The following TBC1D8B variants were observed in gnomAD, a reference collection of about 807,000 sequenced individuals.
TBC1D8B encodes TBC1 domain family member 8B, also known as RP11-321G1.1.
Under a neutral mutation model 82.9 loss-of-function variants are expected in TBC1D8B, and 75 were observed. The ratio of observed to expected loss-of-function variants is 0.90; its 90% CI spans 0.75 to 1.10. The LOEUF (loss-of-function observed/expected upper bound fraction) is 1.10. Among genes scored for constraint, TBC1D8B ranks in the 50% least tolerant of loss-of-function variants. The pLI, the probability that TBC1D8B is intolerant of heterozygous loss-of-function variation, is 0.00. For missense variants in TBC1D8B, 794 were observed against 796.9 expected (o/e 1.00, Z 0.04); for synonymous variants, 276 against 276.8 (o/e 1.00, Z 0.03).
At chrX:106,868,346 C>T (rs753809978) in intron 17 of TBC1D8B, 47 bp from the exon 18 acceptor site, 118 of 879,483 alleles carry the variant, frequency 1.3e-4, no homozygotes, top group Non-Finnish European at 1.7e-4. Flanking sequence ...CTCATCTCTG[C>T]CCCTGGTTGT....
chrX:106,837,745 C>T lies in TBC1D8B; in HGVS notation c.1204-1563C>T, dbSNP rs183507700. Among the ~76,000 whole-genome samples, 18 of 111,778 alleles carry T rather than the reference C, an allele frequency of 1.6e-4. No individual in the cohort carries two copies. The East Asian group carries it at 4.8e-3, about 30-fold the overall frequency. On this transcript the variant is annotated intron_variant, in intron 7 of 20. Coordinates refer to ENST00000357242, the MANE Select transcript of TBC1D8B (RefSeq NM_017752.3). ...TCTGTGCCTGACTTATTTCACTTAA[C>T]ATAATGTTCTCCATGTTCATCCATG...
chrX:106,842,988 C>T (rs112229640), intron 10 of TBC1D8B, among the ~76,000 whole-genome samples: 4 of 111,580 alleles, frequency 3.6e-5, no homozygotes, highest in African/African-American at 1.3e-4. Flanking sequence ...CTTAGCATAT[C>T]ATTTTCAAAG....
intron 1 of TBC1D8B, among the ~76,000 whole-genome samples, chrX:106,816,648 A>G (rs1024003107): frequency 2.7e-5 from 3 of 110,825 alleles, no homozygotes; most frequent in Admixed American, 9.7e-5. Context: ...TTTTCATATC[A>G]GATAACTTCT....
At chrX:106,858,305 C>T (rs1263558774) in intron 14 of TBC1D8B, among the ~76,000 whole-genome samples, 2 of 111,598 alleles carry the variant, frequency 1.8e-5, no homozygotes, top group Non-Finnish European at 3.8e-5. Context: ...CAGAGTCTTG[C>T]TGTGTCACCC....
At chrX:106,849,176 G>A in intron 11 of TBC1D8B, 1 of 998,159 alleles carries the variant, frequency 1.0e-6, no homozygotes, top group Non-Finnish European at 1.4e-6. Context: ...CAGGATTGTG[G>A]TTAGGTCATC....
Position 106,827,332 on chromosome X carries a change from A to G in TBC1D8B, c.1198A>G (p.Thr400Ala). The stretch of plus-strand genomic sequence containing the variant: ...TTCAACTCAATATCATGATATTAGC[A>G]CAGAGGTAATTAATTATACAGCAAT... ...AASTQYHDIS[T>A]ELAISSESTE... Residue 400 changes from threonine to alanine, a missense_variant, in exon 7 of 21, where the codon ACA (threonine) becomes GCA (alanine). Coordinates refer to ENST00000357242, the MANE Select transcript of TBC1D8B (RefSeq NM_017752.3). The G allele has an allele frequency of 1.1e-5, 13 of 1,209,955 alleles. No individual in the cohort carries two copies. The highest frequency in any genetic ancestry group is 1.5e-5 in the Non-Finnish European group (13 of 894,266).
rs1932871160 is a variant in TBC1D8B at position 106,874,155 on chromosome X, A to G, written c.*190A>G. The G allele has an allele frequency of 2.9e-6, 1 of 341,651 alleles. No individual in the cohort carries two copies. Among genetic ancestry groups the G allele is most frequent in the Non-Finnish European group, 4.8e-6 (1 of 208,538 alleles). 28.2% of individuals were successfully genotyped at this position (341,651 alleles called of 1,213,427 possible). ...GCTTTGTTAGCACTTTTTAAAACAA[A>G]CAAACAAACAAAACAAAAAAGCAAA... On this transcript the variant is annotated 3_prime_UTR_variant, in exon 21 of 21. Transcript: ENST00000357242.
At chrX:106,841,111 A>C (rs965386173) in intron 10 of TBC1D8B, among the ~76,000 whole-genome samples, 2 of 111,888 alleles carry the variant, frequency 1.8e-5, no homozygotes, top group African/African-American at 3.2e-5. Context: ...TGCTCTATAA[A>C]AGATACTCTG....
At chrX:106,809,688 A>T in intron 1 of TBC1D8B, among the ~76,000 whole-genome samples, 1 of 109,909 alleles carries the variant, frequency 9.1e-6, no homozygotes, top group East Asian at 2.9e-4. Context: ...GTTCGAGACC[A>T]GCCTGGTCAA....
intron 11 of TBC1D8B, 48 bp downstream of exon 11, chrX:106,848,351 T>A: frequency 1.2e-6 from 1 of 839,173 alleles, no homozygotes; most frequent in Non-Finnish European, 1.7e-6. Flanking sequence ...CACAGAGATG[T>A]ATATTTCCTT....
chrX:106,817,310 C>T (rs1370711894), intron 1 of TBC1D8B, among the ~76,000 whole-genome samples: 1 of 111,049 alleles, frequency 9.0e-6, no homozygotes, highest in African/African-American at 3.3e-5. Context: ...ATACATGAAG[C>T]TCTTAGAAAG....
Position 106,874,079 on chromosome X carries a change from AAAATATATATCCAGAAGCAC to A in TBC1D8B, c.*117_*136del. ...CTTGTTACCAATGTGTCTGAAGGCC[AAAATATATATCCAGAAGCAC>A]AATGCATCATTCCTTTGTTGTTGAT... On this transcript the variant is annotated 3_prime_UTR_variant, in exon 21 of 21. Transcript: ENST00000357242. 2 of 734,895 alleles carry A rather than the reference AAAATATATATCCAGAAGCAC, an allele frequency of 2.7e-6. No individual in the cohort carries two copies. Among genetic ancestry groups the A allele is most frequent in the Non-Finnish European group, 3.8e-6 (2 of 520,068 alleles). 60.6% of individuals were successfully genotyped at this position (734,895 alleles called of 1,213,427 possible).
chrX:106,855,297 T>A (rs985703465), intron 14 of TBC1D8B, among the ~76,000 whole-genome samples: 12 of 112,609 alleles, frequency 1.1e-4, no homozygotes, highest in East Asian at 5.6e-4. Flanking sequence ...TTAGCATTTT[T>A]AAAAATTTAC....
chrX:106,836,061 T>C (rs376248934), intron 7 of TBC1D8B, among the ~76,000 whole-genome samples: 4 of 111,901 alleles, frequency 3.6e-5, no homozygotes, highest in South Asian at 7.5e-4. Context: ...ATTTACTATA[T>C]TAGTCCTTTC....
intron 19 of TBC1D8B, among the ~76,000 whole-genome samples, chrX:106,870,148 A>C (rs1387483190): frequency 1.8e-5 from 2 of 111,593 alleles, no homozygotes; most frequent in Non-Finnish European, 3.8e-5. Flanking sequence ...CTCCTGCCTC[A>C]GCATCCCGAG....
intron 19 of TBC1D8B, among the ~76,000 whole-genome samples, 177 bp from the exon 20 acceptor site, chrX:106,870,539 A>G (rs988992508): frequency 9.0e-6 from 1 of 111,725 alleles, no homozygotes; most frequent in Non-Finnish European, 1.9e-5. Context: ...CAGAAATGGG[A>G]AAAGTATTCT....
chrX:106,811,405 A>G (rs1373615081), intron 1 of TBC1D8B, among the ~76,000 whole-genome samples: 1 of 111,383 alleles, frequency 9.0e-6, no homozygotes, highest in Non-Finnish European at 1.9e-5. Flanking sequence ...ATGCGCCTGT[A>G]GTCCCAGCTA....
chrX:106,842,906 ATATGCCTAT>A (rs1452975030), intron 10 of TBC1D8B, among the ~76,000 whole-genome samples: 8 of 111,281 alleles, frequency 7.2e-5, no homozygotes, highest in African/African-American at 2.0e-4. Flanking sequence ...AGCTCTATGA[ATATGCCTAT>A]TGTGCACATT....
chrX:106,853,478 T>C (rs1402875363), intron 12 of TBC1D8B, 43 bp from the exon 13 acceptor site: 5 of 1,164,338 alleles, frequency 4.3e-6, no homozygotes, highest in African/African-American at 1.8e-5. Flanking sequence ...GCTTTAATAA[T>C]GGTAGTTCCA....
Sources: gnomAD v4.1 joint callset for allele counts (sites outside exome capture counted in the v4.1 genomes callset) on GRCh38, gnomAD v4.1.1 for gene constraint, MANE v1.5 for transcripts, NCBI Gene and HGNC (gene_info 2026-07-23, HGNC 2026-07-21) for gene names.